Variants in RAB33A observed in about 807,000 individuals in gnomAD.
RAB33A encodes RAB33A, member RAS oncogene family.
In RAB33A, 6 loss-of-function variants were observed where a neutral mutation model predicts 12.0. The ratio of observed to expected loss-of-function variants is 0.50; its 90% CI spans 0.27 to 0.99. RAB33A has a LOEUF of 0.99. Ranked by LOEUF, RAB33A falls within the 50% of genes least tolerant of loss-of-function variation. RAB33A has a pLI of 0.11. For synonymous variants in RAB33A, 70 were observed against 82.4 expected, an observed-to-expected ratio of 0.85 and a Z score of 0.81; for missense variants, 109 against 192.0, an observed-to-expected ratio of 0.57 and a Z score of 2.55.
chrX:130,129,881 C>G, the RAB33A span: 1 of 1,075,478 alleles, frequency 9.3e-7, no homozygotes, highest in Non-Finnish European at 1.3e-6. Flanking sequence ...GGCCGGGGGA[C>G]AATGCATCTC....
the RAB33A span, chrX:130,137,438 C>T: frequency 2.6e-6 from 3 of 1,163,988 alleles, no homozygotes; most frequent in African/African-American, 1.8e-5. Flanking sequence ...TGCACTTCCA[C>T]CCATGCAGTC....
At chrX:130,171,758 CAGGCA>C, upstream of RAB33A, 1 of 312,942 alleles carries the variant, frequency 3.2e-6, no homozygotes, top group Non-Finnish European at 5.6e-6. Flanking sequence ...AGGGCGCACA[CAGGCA>C]GAAGGCTCGC....
chrX:130,149,476 C>T, the RAB33A span: 24 of 1,204,603 alleles, frequency 2.0e-5, no homozygotes, highest in Middle Eastern at 2.3e-4. Context: ...CACCAGATAA[C>T]GCGGCCTTTT....
At chrX:130,170,871 A>C (rs940592701), upstream of RAB33A, among the ~76,000 whole-genome samples, 8 of 112,680 alleles carry the variant, frequency 7.1e-5, no homozygotes, top group African/African-American at 2.6e-4. Context: ...AAGATCCTCC[A>C]CCTGGGCCAG....
the RAB33A span, among the ~76,000 whole-genome samples, chrX:130,120,214 GTTTTGTTTTTTTGTT>G: frequency 2.7e-5 from 3 of 110,552 alleles, no homozygotes; most frequent in Admixed American, 1.9e-4. Context: ...TTAGTTTTTT[GTTTTGTTTTTTTGTT>G]TTTTGTTTTT....
the RAB33A span, among the ~76,000 whole-genome samples, chrX:130,118,825 G>A: frequency 1.3e-4 from 14 of 111,546 alleles, no homozygotes; most frequent in East Asian, 3.7e-3. Context: ...GGGTGTGCAT[G>A]TGTGTGCATA....
chrX:130,133,535 C>T, the RAB33A span: 1 of 1,099,166 alleles, frequency 9.1e-7, no homozygotes, highest in Non-Finnish European at 1.2e-6. Flanking sequence ...ACTTTGGGGG[C>T]TCAAAGAACA....
the RAB33A span, chrX:130,149,485 T>C: frequency 8.3e-7 from 1 of 1,208,129 alleles, no homozygotes; most frequent in African/African-American, 1.7e-5. Context: ...ACGCGGCCTT[T>C]TTCTGTTTCT....
the RAB33A span, among the ~76,000 whole-genome samples, chrX:130,150,874 T>C: frequency 2.1e-5 from 2 of 96,912 alleles, no homozygotes; most frequent in East Asian, 3.4e-4. Flanking sequence ...ACTTGGGAGG[T>C]TGAGGCATGG....
chrX:130,154,962 A>G, the RAB33A span, among the ~76,000 whole-genome samples: 3 of 112,534 alleles, frequency 2.7e-5, no homozygotes, highest in Non-Finnish European at 5.6e-5. Context: ...GGCTTTAGCT[A>G]TATCTGGTAG....
chrX:130,177,208 G>A (rs1002542759), intron 1 of RAB33A, among the ~76,000 whole-genome samples: 5 of 112,025 alleles, frequency 4.5e-5, no homozygotes, highest in African/African-American at 1.3e-4. Flanking sequence ...TCTCACCTTC[G>A]AGAAGCCAAG....
chrX:130,182,185 C>CACATACACAT (rs1569427028), intron 1 of RAB33A, among the ~76,000 whole-genome samples: 9 of 73,153 alleles, frequency 1.2e-4, no homozygotes, highest in African/African-American at 4.4e-4. Flanking sequence ...TATATATACA[C>CACATACACAT]ATATATATAA....
the RAB33A span, among the ~76,000 whole-genome samples, chrX:130,152,254 T>C: frequency 3.6e-5 from 4 of 111,881 alleles, no homozygotes; most frequent in Middle Eastern, 0.014. Context: ...TAAGCCCAGC[T>C]CACACTTGCT....
chrX:130,121,043 C>T, the RAB33A span, among the ~76,000 whole-genome samples: 1 of 112,361 alleles, frequency 8.9e-6, no homozygotes, highest in East Asian at 2.8e-4. Context: ...CCTTGTCCCG[C>T]GCCCTGCCCG....
At chrX:130,151,449 T>C in the RAB33A span, among the ~76,000 whole-genome samples, 1 of 111,350 alleles carries the variant, frequency 9.0e-6, no homozygotes, top group Non-Finnish European at 1.9e-5. Flanking sequence ...CCATAAAACA[T>C]ATTCTAAGAA....
chrX:130,156,701 CCA>C, the RAB33A span: 15 of 934,188 alleles, frequency 1.6e-5, no homozygotes, highest in Non-Finnish European at 2.0e-5. Context: ...GACTTATTGC[CCA>C]CAGATATTCA....
upstream of RAB33A, among the ~76,000 whole-genome samples, chrX:130,171,159 G>C (rs745808286): frequency 8.8e-6 from 1 of 113,305 alleles, no homozygotes; most frequent in Non-Finnish European, 1.9e-5. Context: ...ACACGCACAC[G>C]CGTGCCCGCT....
the RAB33A span, among the ~76,000 whole-genome samples, chrX:130,132,603 A>G: frequency 8.9e-6 from 1 of 112,323 alleles, no homozygotes; most frequent in Admixed American, 9.4e-5. Context: ...AGCTCTTGCT[A>G]TGTTGTCCAG....
chrX:130,165,680 T>G, the RAB33A span: 1 of 1,145,237 alleles, frequency 8.7e-7, no homozygotes, highest in Non-Finnish European at 1.2e-6. Context: ...ATTCGGGACC[T>G]CCTCCTTCCC....
Sources: allele counts gnomAD v4.1 joint callset (sites outside exome capture counted in the v4.1 genomes callset), GRCh38; gene constraint gnomAD v4.1.1; transcripts MANE v1.5; gene names NCBI Gene and HGNC (gene_info 2026-07-23, HGNC 2026-07-21).